The following CREB3L2 variants were observed in gnomAD, a reference collection of about 807,000 sequenced individuals.
CREB3L2 encodes the protein cyclic AMP-responsive element-binding protein 3-like protein 2.
A neutral mutation model predicts 57.2 loss-of-function variants in CREB3L2; 23 were observed. The ratio of observed to expected loss-of-function variants is 0.40; its 90% confidence interval spans 0.29 to 0.57. The LOEUF is 0.57. Among genes scored for constraint, CREB3L2 ranks in the 20% least tolerant of loss-of-function variants. The probability of loss-of-function intolerance (pLI) is 0.42; values close to 1 mark genes in which losing one functional copy is unlikely to be tolerated. For synonymous variants in CREB3L2, 268 were observed against 265.1 expected, an observed-to-expected ratio of 1.01 and a Z score of -0.11; for missense variants, 628 against 634.7, an observed-to-expected ratio of 0.99 and a Z score of 0.11.
In CREB3L2 at chr7:137,994,610, T is replaced by G. The variant is rs544858659; in HGVS notation, c.102+6994A>C. Among the ~76,000 whole-genome samples the G allele has an allele frequency of 4.6e-5, 7 of 152,288 alleles. No individual in the cohort carries two copies. The South Asian group carries it at 1.5e-3, about 32-fold the overall frequency. On this transcript the variant is annotated intron_variant, in intron 1 of 11. Coordinates refer to ENST00000330387, the MANE Select transcript of CREB3L2 (RefSeq NM_194071.4). The stretch of plus-strand genomic sequence containing the variant: ...AGAGGCTATTTCTACATCTATAGTC[T>G]TCTTTCACTGGGCATTGGTAGCACA...
chr7:138,000,868 C>A (rs2052605), intron 1 of CREB3L2, among the ~76,000 whole-genome samples: 152,266 of 152,266 alleles, frequency 1, 76,133 homozygotes, highest in Non-Finnish European at 1. Flanking sequence ...CTTAATCCCC[C>A]AAGAGATCTC....
At chr7:137,934,650 A>C (rs1800740323) in intron 1 of CREB3L2, among the ~76,000 whole-genome samples, 1 of 152,240 alleles carries the variant, frequency 6.6e-6, no homozygotes, top group Non-Finnish European at 1.5e-5. Flanking sequence ...CGCTATGAAC[A>C]CATGGTCTCC....
In CREB3L2 at chr7:137,878,810, G is replaced by A. The variant is rs978564953; in HGVS notation, c.*1666C>T. 7.6e-6 allele frequency: 2 copies of A among 263,560 alleles called. No homozygotes were observed. Among genetic ancestry groups the A allele is most frequent in the African/African-American group, 4.4e-5 (2 of 45,220 alleles). 16.3% of individuals were successfully genotyped at this position (263,560 alleles called of 1,614,324 possible). A position where few individuals can be genotyped will look rare whatever the true frequency, so the allele number is the denominator to read the frequency against. On this transcript the variant is annotated 3_prime_UTR_variant, in exon 12 of 12. Coordinates refer to ENST00000330387, the MANE Select transcript of CREB3L2 (RefSeq NM_194071.4). Reference sequence around the variant, plus strand: ...CGACTTATGAGGTATGACGACAAATGTTAATAACATCAAATCCTGTACCTG... The same window carrying A: ...CGACTTATGAGGTATGACGACAAATATTAATAACATCAAATCCTGTACCTG...
At chr7:137,918,347 C>T (rs1253788612) in intron 2 of CREB3L2, among the ~76,000 whole-genome samples, 1 of 152,110 alleles carries the variant, frequency 6.6e-6, no homozygotes, top group Non-Finnish European at 1.5e-5. Flanking sequence ...CACGCCACGA[C>T]GCCCAGCTAA....
At chr7:137,996,523 C>T (rs1455385911) in intron 1 of CREB3L2, among the ~76,000 whole-genome samples, 1 of 152,218 alleles carries the variant, frequency 6.6e-6, no homozygotes, top group Non-Finnish European at 1.5e-5. Context: ...GGCCTGGGGC[C>T]AACCCTAGGA....
chr7:137,887,976 A>G (rs941683849), intron 8 of CREB3L2, among the ~76,000 whole-genome samples: 1 of 152,084 alleles, frequency 6.6e-6, no homozygotes, highest in Non-Finnish European at 1.5e-5. Context: ...TCCTGGAGAT[A>G]AAGTCTTGCT....
chr7:137,907,430 G>C (rs947216327), intron 5 of CREB3L2, among the ~76,000 whole-genome samples: 3 of 152,224 alleles, frequency 2.0e-5, no homozygotes, highest in African/African-American at 7.2e-5. Context: ...TGAAGAAAGA[G>C]TGGAAGGGTG....
intron 2 of CREB3L2, among the ~76,000 whole-genome samples, chr7:137,922,429 T>TAC (rs1396949581): frequency 2.0e-5 from 1 of 48,880 alleles, no homozygotes; most frequent in African/African-American, 1.4e-4. Flanking sequence ...TATATATATA[T>TAC]ATATATACGT....
intron 10 of CREB3L2, chr7:137,884,312 T>C (rs1799364314): frequency 6.6e-6 from 1 of 151,634 alleles, no homozygotes; most frequent in African/African-American, 2.4e-5. Flanking sequence ...AGTGGTGCGA[T>C]CTCGGCTCAC....
intron 8 of CREB3L2, among the ~76,000 whole-genome samples, chr7:137,898,868 T>C (rs1308578720): frequency 1.3e-5 from 2 of 149,254 alleles, no homozygotes; most frequent in South Asian, 2.1e-4. Context: ...TTTGAACACA[T>C]GGACCTTATT....
chr7:137,935,185 G>A (rs1800754258), intron 1 of CREB3L2, among the ~76,000 whole-genome samples: 1 of 152,198 alleles, frequency 6.6e-6, no homozygotes, highest in Non-Finnish European at 1.5e-5. Context: ...GTTAACAATA[G>A]TTCCGGCCTT....
At chr7:137,914,643 T>A (rs1271123435) in intron 3 of CREB3L2, among the ~76,000 whole-genome samples, 1 of 151,572 alleles carries the variant, frequency 6.6e-6, no homozygotes, top group Non-Finnish European at 1.5e-5. Flanking sequence ...AAAAAAAAAG[T>A]AATAAATAAA....
chr7:137,977,508 G>C (rs1239363527), intron 1 of CREB3L2, among the ~76,000 whole-genome samples: 1 of 152,212 alleles, frequency 6.6e-6, no homozygotes, highest in Non-Finnish European at 1.5e-5. Flanking sequence ...TACATCATTA[G>C]TAGCCATTTC....
chr7:137,889,614 T>C (rs1799494661), intron 8 of CREB3L2, among the ~76,000 whole-genome samples: 1 of 152,224 alleles, frequency 6.6e-6, no homozygotes, highest in South Asian at 2.1e-4. Context: ...TTGCTTCTCC[T>C]ACTGGTGCTG....
intron 1 of CREB3L2, among the ~76,000 whole-genome samples, chr7:137,944,180 A>G (rs1800926019): frequency 1.3e-5 from 2 of 152,204 alleles, no homozygotes; most frequent in Non-Finnish European, 2.9e-5. Context: ...ACCTTTGTTT[A>G]AACAGATTTT....
intron 4 of CREB3L2, among the ~76,000 whole-genome samples, chr7:137,911,009 A>G (rs977099613): frequency 3.3e-5 from 5 of 152,210 alleles, no homozygotes; most frequent in East Asian, 1.9e-4. Flanking sequence ...TTCTCCTCCA[A>G]TAACCCTGGA....
chr7:137,947,050 C>G lies in CREB3L2; in HGVS notation c.103-18684G>C, dbSNP rs1443263951. Among the ~76,000 whole-genome samples, 2 of 138,748 alleles carry G rather than the reference C, an allele frequency of 1.4e-5. 1 individual carries two copies. The highest frequency in any genetic ancestry group is 3.0e-5 in the Non-Finnish European group (2 of 65,824). 91.0% of individuals were successfully genotyped at this position (138,748 alleles called of 152,430 possible). On this transcript the variant is annotated intron_variant, in intron 1 of 11. Coordinates refer to ENST00000330387, the MANE Select transcript of CREB3L2 (RefSeq NM_194071.4). ...TATATAGTTCAATCCATAGACTGAA[C>G]TGAGTCCCACCGAAATCCAAATGTT... is the stretch of plus-strand genomic sequence containing the variant.
At chr7:137,928,701 A>G (rs953355176) in intron 1 of CREB3L2, among the ~76,000 whole-genome samples, 1 of 152,128 alleles carries the variant, frequency 6.6e-6, no homozygotes, top group East Asian at 1.9e-4. Context: ...TCTCAAAAGG[A>G]AAGATCAGGC....
intron 2 of CREB3L2, among the ~76,000 whole-genome samples, chr7:137,925,255 G>A (rs1016721213): frequency 6.6e-6 from 1 of 152,140 alleles, no homozygotes; most frequent in African/African-American, 2.4e-5. Flanking sequence ...AATTAGGAGG[G>A]AGTTTCCACT....
Sources: gnomAD v4.1 joint callset for allele counts (sites outside exome capture counted in the v4.1 genomes callset) on GRCh38, gnomAD v4.1.1 for gene constraint, MANE v1.5 for transcripts, NCBI Gene and HGNC (gene_info 2026-07-23, HGNC 2026-07-21) for gene names.